The following KCNQ2 variants were observed in gnomAD, a reference collection of about 807,000 sequenced individuals.
The protein encoded by KCNQ2 is potassium voltage-gated channel subfamily Q member 2.
Under a neutral mutation model 84.8 loss-of-function variants are expected in KCNQ2, and 14 were observed. That is an observed-to-expected ratio of 0.17 (90% CI 0.11 to 0.26). KCNQ2 has a LOEUF of 0.26. KCNQ2 is among the 10% of genes least tolerant of loss of function. KCNQ2 has a pLI of 1.00. For synonymous variants in KCNQ2, 599 were observed against 554.1 expected, an observed-to-expected ratio of 1.08 and a Z score of -1.14; for missense variants, 788 against 1,254.0, an observed-to-expected ratio of 0.63 and a Z score of 5.61.
chr20:63,427,468 G>A (rs1235225112), intron 10 of KCNQ2, among the ~76,000 whole-genome samples: 2 of 152,232 alleles, frequency 1.3e-5, no homozygotes, highest in African/African-American at 4.8e-5. Flanking sequence ...ACTAAGTGCC[G>A]CTGGAGTGTG....
At position 63,403,412 on chromosome 20, in the gene KCNQ2, GCAT is replaced by G. The variant is rs1379993507; in HGVS notation, c.*3229_*3231del. 6.6e-6 allele frequency: 1 copy of G among 152,184 alleles called. No individual in the cohort carries two copies. Among genetic ancestry groups the G allele is most frequent in the Non-Finnish European group, 1.5e-5 (1 of 68,124 alleles). 9.4% of individuals were successfully genotyped at this position (152,184 alleles called of 1,614,324 possible). A position where few individuals can be genotyped will look rare whatever the true frequency, so the allele number is the denominator to read the frequency against. On this transcript the variant is annotated 3_prime_UTR_variant, in exon 17 of 17. Transcript: ENST00000359125. ...AGTGTGCATGCACGCGTGTGTGTGT[GCAT>G]GTGTGCAGTGTGCTCTGTGCACTTG...
At chr20:63,427,899 G>C (rs938677506) in intron 10 of KCNQ2, among the ~76,000 whole-genome samples, 3 of 152,154 alleles carry the variant, frequency 2.0e-5, no homozygotes, top group Non-Finnish European at 4.4e-5. Context: ...AGGCCTGGCA[G>C]GTGCATTCGC....
intron 1 of KCNQ2, chr20:63,448,169 C>T (rs1173309227): frequency 1.3e-5 from 2 of 152,292 alleles, no homozygotes; most frequent in African/African-American, 2.4e-5. Context: ...GTGCTGAAGT[C>T]ACTGAATGCA....
chr20:63,466,834 A>T (rs966480781), intron 1 of KCNQ2, among the ~76,000 whole-genome samples: 2 of 152,202 alleles, frequency 1.3e-5, no homozygotes, highest in African/African-American at 4.8e-5. Flanking sequence ...AGCACGTCTC[A>T]CACGGGCGGA....
chr20:63,424,495 C>CA, intron 10 of KCNQ2: 1 of 521,544 alleles, frequency 1.9e-6, no homozygotes. Flanking sequence ...CATTTACAGA[C>CA]ACTCATTTTA....
chr20:63,462,380 C>A (rs2081980124), intron 1 of KCNQ2, among the ~76,000 whole-genome samples: 1 of 151,072 alleles, frequency 6.6e-6, no homozygotes, highest in African/African-American at 2.4e-5. Flanking sequence ...GGCACCTACC[C>A]CAGGCAGCAG....
At position 63,438,189 on chromosome 20, in the gene KCNQ2, T is replaced by C. The variant is rs896139305; in HGVS notation, c.1023+436A>G. 62 of 276,362 alleles carry C rather than the reference T, an allele frequency of 2.2e-4. No homozygotes were observed. In the Admixed American group the frequency reaches 2.9e-3, roughly 13 times the overall value. The allele number at this position is 276,362 out of a possible 1,614,324, so 17.1% of individuals were successfully genotyped here. A position where few individuals can be genotyped will look rare whatever the true frequency, so the allele number is the denominator to read the frequency against. ...TCACTGCACGCTACCCACCCCCAAA[T>C]GGTGGGACGGCACTGGGTGGGGTCC... On this transcript the variant is annotated intron_variant, in intron 7 of 16. Coordinates refer to ENST00000359125, the MANE Select transcript of KCNQ2 (RefSeq NM_172107.4). The surrounding 1 kb of genome is among the most constrained non-coding windows in gnomAD (Gnocchi z 5.1).
rs377316046 is a variant in KCNQ2, at chr20:63,471,873, G to C, written c.296+295C>G. On this transcript the variant is annotated intron_variant, in intron 1 of 16. Transcript: ENST00000359125. Reference sequence around the variant, plus strand: ...CCCTTTGTTCGGCGCAGAGGCCGCGGGGAGGGGCCTCCCAGGCTGAGGAGG... The same window carrying C: ...CCCTTTGTTCGGCGCAGAGGCCGCGCGGAGGGGCCTCCCAGGCTGAGGAGG... 1,786 of 376,060 alleles carry C rather than the reference G, an allele frequency of 4.7e-3. 102 individuals carry two copies. The East Asian group carries it at 0.078, about 16-fold the overall frequency. 23.3% of individuals were successfully genotyped at this position (376,060 alleles called of 1,614,324 possible).
intron 11 of KCNQ2, among the ~76,000 whole-genome samples, chr20:63,420,406 A>C (rs2080430865): frequency 6.6e-6 from 1 of 152,242 alleles, no homozygotes; most frequent in Non-Finnish European, 1.5e-5. Flanking sequence ...ATGATTAAGC[A>C]AAAAATGAAA....
At chr20:63,466,159 G>C (rs963569890) in intron 1 of KCNQ2, among the ~76,000 whole-genome samples, 2 of 152,148 alleles carry the variant, frequency 1.3e-5, no homozygotes, top group Non-Finnish European at 2.9e-5. Flanking sequence ...CAAACTACCC[G>C]GCACACACAG....
Position 63,424,773 on chromosome 20 carries a change from C to T in KCNQ2, c.1218-567G>A, listed in dbSNP as rs372211974. ...AGGCAAAGCTGTCTGGGCCTTCCGG[C>T]GTCTCATCTGGGGCTGTTTCCGCGG... is the stretch of plus-strand genomic sequence containing the variant. On this transcript the variant is annotated intron_variant, in intron 10 of 16. Transcript: ENST00000359125. Among the ~76,000 whole-genome samples the T allele has an allele frequency of 8.7e-4, 132 of 152,330 alleles. 2 individuals are homozygous for T. The South Asian group carries it at 0.021, about 24-fold the overall frequency.
At chr20:63,452,517 C>T (rs1425944244) in intron 1 of KCNQ2, among the ~76,000 whole-genome samples, 1 of 152,236 alleles carries the variant, frequency 6.6e-6, no homozygotes, top group East Asian at 1.9e-4. Flanking sequence ...TGCACAGCAG[C>T]GTCGAGGCAG....
At chr20:63,451,914 C>T (rs764406160) in intron 1 of KCNQ2, among the ~76,000 whole-genome samples, 3 of 152,226 alleles carry the variant, frequency 2.0e-5, no homozygotes, top group Non-Finnish European at 4.4e-5. Context: ...GCAGGGAAGG[C>T]GGGGCACAGG....
Position 63,406,918 on chromosome 20 carries a change from C to A in KCNQ2, c.2345G>T (p.Arg782Leu), listed in dbSNP as rs756083804. 2 of 1,608,506 alleles carry A rather than the reference C, an allele frequency of 1.2e-6. No homozygotes were observed. The highest frequency in any genetic ancestry group is 2.2e-5 in the East Asian group (1 of 44,738). Reference sequence around the variant, plus strand: ...GATGGAGATGGACGTGTCGCTGTCCCGCAGGTTCCCCTCGGGGGGCCTGCA... The same window carrying A: ...GATGGAGATGGACGTGTCGCTGTCCAGCAGGTTCCCCTCGGGGGGCCTGCA... ...PGCRPPEGNL[R>L]DSDTSISIPS... The change falls in exon 17 of 17, where the codon CGG (arginine) becomes CTG (leucine). Residue 782 changes from arginine (R) to leucine (L), a missense_variant. By Grantham distance (102) the Arg-to-Leu change is moderately radical. Transcript: ENST00000359125.
At chr20:63,428,933 C>G (rs895474452) in intron 9 of KCNQ2, among the ~76,000 whole-genome samples, 31 of 152,202 alleles carry the variant, frequency 2.0e-4, no homozygotes, top group African/African-American at 7.2e-4. Flanking sequence ...GCAGCTCATT[C>G]TGGAGTCTAT....
chr20:63,442,968 C>CCACCACCAT (rs1568935423), intron 4 of KCNQ2, among the ~76,000 whole-genome samples: 1 of 43,568 alleles, frequency 2.3e-5, no homozygotes, highest in African/African-American at 9.7e-5. Flanking sequence ...ATCACCACCA[C>CCACCACCAT]CACCACCATC....
In KCNQ2 at chr20:63,425,161, A is replaced by G. The variant is rs1261123531; in HGVS notation, c.1218-955T>C. Among the ~76,000 whole-genome samples, 1 of 152,128 alleles carries G rather than the reference A, an allele frequency of 6.6e-6. No homozygotes were observed. Among genetic ancestry groups the G allele is most frequent in the Non-Finnish European group, 1.5e-5 (1 of 68,030 alleles). ...GACAGCTGTCACCGGGCTAGGGCTC[A>G]AGCTGTCACCAGGCTCATCAGGATG... On this transcript the variant is annotated intron_variant, in intron 10 of 16. Transcript: ENST00000359125. This position sits in a 1 kb window ranked among gnomAD's most constrained non-coding sequence, Gnocchi z 5.5.
At chr20:63,449,649 G>A (rs2081547073) in intron 1 of KCNQ2, among the ~76,000 whole-genome samples, 1 of 150,914 alleles carries the variant, frequency 6.6e-6, no homozygotes, top group African/African-American at 2.4e-5. Context: ...GCACCGCAGA[G>A]AGAGGAGGGA....
Position 63,414,782 on chromosome 20 carries a change from G to T in KCNQ2, c.1525+121C>A. Reference sequence around the variant, plus strand: ...TCTCACCTCAATTTTAGAAAGGATAGGGGGTTCCCACTCCAAGAGCAAGCA... The same window carrying T: ...TCTCACCTCAATTTTAGAAAGGATATGGGGTTCCCACTCCAAGAGCAAGCA... On this transcript the variant is annotated intron_variant, in intron 13 of 16. Coordinates refer to ENST00000359125, the MANE Select transcript of KCNQ2 (RefSeq NM_172107.4). This position sits in a 1 kb window ranked among gnomAD's most constrained non-coding sequence, Gnocchi z 6.6. 1.1e-6 allele frequency: 1 copy of T among 913,956 alleles called. No homozygotes were observed. Among genetic ancestry groups the T allele is most frequent in the Non-Finnish European group, 1.8e-6 (1 of 555,954 alleles). The allele number at this position is 913,956 out of a possible 1,614,324, so 56.6% of individuals were successfully genotyped here.
Sources: gnomAD v4.1 joint callset for allele counts (sites outside exome capture counted in the v4.1 genomes callset) on GRCh38, gnomAD v4.1.1 for gene constraint, Gnocchi (gnomAD v3.1) non-coding constraint, MANE v1.5 for transcripts, NCBI Gene and HGNC (gene_info 2026-07-23, HGNC 2026-07-21) for gene names.